SEMA6D: variants seen among roughly 807,000 people sequenced by gnomAD.
The protein encoded by SEMA6D is semaphorin-6D.
A neutral mutation model predicts 106.6 loss-of-function variants in SEMA6D; 35 were observed. That is an observed-to-expected ratio of 0.33 (90% CI 0.25 to 0.44). The LOEUF is 0.44. SEMA6D is among the 20% of genes least tolerant of loss of function. The pLI, the probability that SEMA6D is intolerant of heterozygous loss-of-function variation, is 1.00. For missense variants in SEMA6D, 1,185 were observed against 1,345.9 expected (o/e 0.88, Z 1.87); for synonymous variants, 499 against 487.7 (o/e 1.02, Z -0.31).
chr15:47,432,582 C>CACCT, intron 2 of SEMA6D, among the ~76,000 whole-genome samples: 1 of 150,236 alleles, frequency 6.7e-6, no homozygotes, highest in Non-Finnish European at 1.5e-5. Flanking sequence ...TATACATATA[C>CACCT]AGCTATATGC....
At chr15:47,295,444 C>T (rs2035766947) in intron 1 of SEMA6D, among the ~76,000 whole-genome samples, 1 of 152,164 alleles carries the variant, frequency 6.6e-6, no homozygotes, top group South Asian at 2.1e-4. Flanking sequence ...GAAGTTTGGT[C>T]CTTTTCAAGG....
intron 3 of SEMA6D, among the ~76,000 whole-genome samples, chr15:47,583,186 C>A (rs2076282778): frequency 6.6e-6 from 1 of 152,180 alleles, no homozygotes; most frequent in South Asian, 2.1e-4. Context: ...GCTGTGACAC[C>A]TGCTAAACAC....
chr15:47,672,033 A>G lies in SEMA6D; in HGVS notation c.-55+71137A>G, dbSNP rs555548951. On this transcript the variant is annotated intron_variant, in intron 4 of 19. Coordinates refer to the SEMA6D transcript ENST00000558014. The stretch of plus-strand genomic sequence containing the variant: ...ACATTGTTCTAAAACCATTACCTCT[A>G]TGAACTCATGGAAGACTGCTAACAT... 1.2e-4 allele frequency among the ~76,000 whole-genome samples: 18 copies of G among 152,226 alleles called. 1 individual carries two copies. The highest frequency in any genetic ancestry group is 2.1e-4 in the South Asian group (1 of 4,828).
intron 3 of SEMA6D, among the ~76,000 whole-genome samples, chr15:47,475,650 T>C (rs1368352778): frequency 6.6e-6 from 1 of 152,190 alleles, no homozygotes; most frequent in Non-Finnish European, 1.5e-5. Flanking sequence ...GAATAGAAGC[T>C]GAAAGAGAGG....
intron 4 of SEMA6D, among the ~76,000 whole-genome samples, chr15:47,608,913 AT>A (rs760315642): frequency 6.6e-6 from 1 of 152,116 alleles, no homozygotes; most frequent in Non-Finnish European, 1.5e-5. Context: ...GCATTAATAC[AT>A]TTTACTCCTT....
Position 47,771,494 on chromosome 15 carries a change from G to A in SEMA6D, c.2931G>A (p.Met977Ile), listed in dbSNP as rs756880246. The change falls in exon 19 of 19, where the codon ATG becomes ATA. Residue 977 changes from methionine (M) to isoleucine (I), a missense_variant. By Grantham distance (10) the Met-to-Ile change is conservative. Transcript: ENST00000536845. ...CCCAGAGGCACTCTATATCTGCTAT[G>A]CCTAAAAACTTAAACTCACCAAATG... The part of the protein sequence containing the change: ...NSSQRHSISA[M>I]PKNLNSPNGV... 7.4e-6 allele frequency: 12 copies of A among 1,613,960 alleles called. No individual in the cohort carries two copies. The East Asian group carries it at 2.0e-4, about 27-fold the overall frequency.
chr15:47,240,710 C>T (rs2032853406), intron 1 of SEMA6D, among the ~76,000 whole-genome samples: 1 of 152,096 alleles, frequency 6.6e-6, no homozygotes, highest in African/African-American at 2.4e-5. Flanking sequence ...ATTGCCTTGA[C>T]TATGCAGAAA....
At chr15:47,335,033 A>C (rs1322778417) in intron 1 of SEMA6D, among the ~76,000 whole-genome samples, 1 of 152,200 alleles carries the variant, frequency 6.6e-6, no homozygotes, top group Non-Finnish European at 1.5e-5. Context: ...TCTAGCCTGA[A>C]ATCTACCCAC....
At chr15:47,489,632 A>G (rs1316755109) in intron 3 of SEMA6D, among the ~76,000 whole-genome samples, 3 of 151,430 alleles carry the variant, frequency 2.0e-5, no homozygotes, top group Non-Finnish European at 4.4e-5. Context: ...TACCAATTGC[A>G]TGTCAAGTTT....
intron 3 of SEMA6D, among the ~76,000 whole-genome samples, chr15:47,584,430 A>C (rs1364156737): frequency 2.0e-5 from 3 of 151,636 alleles, no homozygotes; most frequent in Non-Finnish European, 4.4e-5. Flanking sequence ...TCTCAGGGGA[A>C]AAAAAAAAAA....
chr15:47,334,504 A>T (rs1365566603), intron 1 of SEMA6D, among the ~76,000 whole-genome samples: 1 of 152,134 alleles, frequency 6.6e-6, no homozygotes, highest in Non-Finnish European at 1.5e-5. Flanking sequence ...GAATTCAAGG[A>T]CACCTGGCTA....
intron 3 of SEMA6D, among the ~76,000 whole-genome samples, chr15:47,476,970 T>A (rs1355699893): frequency 6.6e-6 from 1 of 152,224 alleles, no homozygotes; most frequent in African/African-American, 2.4e-5. Context: ...AGTGTATACT[T>A]ATGAAAAGTC....
chr15:47,589,553 C>G (rs539923800), intron 3 of SEMA6D, among the ~76,000 whole-genome samples: 1 of 152,246 alleles, frequency 6.6e-6, no homozygotes, highest in South Asian at 2.1e-4. Flanking sequence ...CCAATCCTAC[C>G]CACTTTCCAT....
At chr15:47,555,814 T>A (rs188567905) in intron 3 of SEMA6D, among the ~76,000 whole-genome samples, 1 of 152,284 alleles carries the variant, frequency 6.6e-6, no homozygotes, top group African/African-American at 2.4e-5. Flanking sequence ...ATAAATTGGG[T>A]CAAATTCTCT....
At chr15:47,488,443 T>C (rs948995032) in intron 3 of SEMA6D, among the ~76,000 whole-genome samples, 9 of 151,802 alleles carry the variant, frequency 5.9e-5, no homozygotes, top group Non-Finnish European at 1.2e-4. Context: ...GGAGATCTTT[T>C]CATATCAAAG....
intron 2 of SEMA6D, among the ~76,000 whole-genome samples, chr15:47,464,083 G>T (rs1005673591): frequency 3.9e-5 from 6 of 152,054 alleles, no homozygotes; most frequent in Non-Finnish European, 7.4e-5. Flanking sequence ...CACATATTTT[G>T]CTATATAAGG....
chr15:47,229,085 G>A (rs2032008775), intron 1 of SEMA6D, among the ~76,000 whole-genome samples: 1 of 152,000 alleles, frequency 6.6e-6, no homozygotes, highest in Non-Finnish European at 1.5e-5. Flanking sequence ...ATACTAAAGA[G>A]ACTAGACTTT....
intron 1 of SEMA6D, among the ~76,000 whole-genome samples, chr15:47,328,688 A>T (rs2037225675): frequency 6.6e-6 from 1 of 152,096 alleles, no homozygotes; most frequent in African/African-American, 2.4e-5. Flanking sequence ...TCTGTCTCCT[A>T]CCACAATAAG....
chr15:47,282,532 T>C (rs567129731), intron 1 of SEMA6D, among the ~76,000 whole-genome samples: 35 of 152,266 alleles, frequency 2.3e-4, no homozygotes, highest in African/African-American at 8.4e-4. Context: ...CTCTTATAAG[T>C]GTATTTTGGT....
Sources: gnomAD v4.1 joint callset for allele counts (sites outside exome capture counted in the v4.1 genomes callset) on GRCh38, gnomAD v4.1.1 for gene constraint, MANE v1.5 for transcripts, NCBI Gene and HGNC (gene_info 2026-07-23, HGNC 2026-07-21) for gene names.